Variants in SNX29 observed in about 807,000 individuals in gnomAD.
SNX29 encodes sorting nexin-29.
In SNX29, 78 loss-of-function variants were observed where a neutral mutation model predicts 102.1. The ratio of observed to expected loss-of-function variants is 0.76; its 90% CI spans 0.64 to 0.92. The LOEUF (loss-of-function observed/expected upper bound fraction) is 0.92, where lower values mean the gene tolerates loss of function less well. Ranked by LOEUF, SNX29 falls within the 40% of genes least tolerant of loss-of-function variation. SNX29 has a pLI of 0.00. For missense variants in SNX29, 1,280 were observed against 1,061.7 expected, an observed-to-expected ratio of 1.21 and a Z score of -2.86; for synonymous variants, 580 against 414.5, an observed-to-expected ratio of 1.40 and a Z score of -4.85.
At chr16:12,424,986 A>T (rs889516401) in intron 18 of SNX29, among the ~76,000 whole-genome samples, 1 of 152,278 alleles carries the variant, frequency 6.6e-6, no homozygotes, top group Non-Finnish European at 1.5e-5. Context: ...CACACAGTGG[A>T]ACCTTGGGCT....
In SNX29 at chr16:12,165,854, A is replaced by G. The variant is rs369814711; in HGVS notation, c.1596-33747A>G. On this transcript the variant is annotated intron_variant, in intron 13 of 20. Coordinates refer to ENST00000566228, the MANE Select transcript of SNX29 (RefSeq NM_032167.5). ...GTTGGGATTACTGGCGTGAGCCACC[A>G]CACCCGGCCAGACTTTGATTCCCTT... 6.2e-4 allele frequency among the ~76,000 whole-genome samples: 95 copies of G among 152,304 alleles called. 1 individual carries two copies. In the East Asian group the frequency reaches 0.015, roughly 24 times the overall value.
chr16:12,158,181 A>G (rs2055633460), intron 13 of SNX29, among the ~76,000 whole-genome samples: 1 of 151,364 alleles, frequency 6.6e-6, no homozygotes, highest in Non-Finnish European at 1.5e-5. Context: ...CAGGTAGAGC[A>G]CTTTTAATTT....
intron 20 of SNX29, among the ~76,000 whole-genome samples, chr16:12,537,009 G>T (rs1233067540): frequency 6.6e-6 from 1 of 152,132 alleles, no homozygotes; most frequent in Non-Finnish European, 1.5e-5. Context: ...AGTTGTTCAG[G>T]GCATGGGGGC....
chr16:12,227,082 C>T (rs918139279), intron 14 of SNX29, among the ~76,000 whole-genome samples: 10 of 152,254 alleles, frequency 6.6e-5, no homozygotes, highest in African/African-American at 2.4e-4. Context: ...GCTGGAGACT[C>T]CCTGTTGGGG....
chr16:12,092,924 G>A (rs554312414), intron 11 of SNX29, among the ~76,000 whole-genome samples: 1 of 152,316 alleles, frequency 6.6e-6, no homozygotes, highest in African/African-American at 2.4e-5. Flanking sequence ...CACTGGCTTG[G>A]ACATTTGGCC....
intron 19 of SNX29, among the ~76,000 whole-genome samples, chr16:12,522,970 C>G (rs2090156269): frequency 6.6e-6 from 1 of 152,138 alleles, no homozygotes; most frequent in African/African-American, 2.4e-5. Flanking sequence ...ACCACCGTGC[C>G]CGGCTACTTT....
rs369069423 is a variant in SNX29, at chr16:12,006,176, C to T, written c.122+3133C>T. Among the ~76,000 whole-genome samples, 16 of 150,756 alleles carry T rather than the reference C, an allele frequency of 1.1e-4. No homozygotes were observed. The East Asian group carries it at 1.4e-3, about 13-fold the overall frequency. ...CTATGATCGTGCCATTGCATTCTAG[C>T]TTGGGCAATAGACAGAGACCCTGTC... On this transcript the variant is annotated intron_variant, in intron 3 of 20. Transcript: ENST00000566228.
At chr16:12,169,551 G>C (rs944937302) in intron 13 of SNX29, among the ~76,000 whole-genome samples, 2 of 152,128 alleles carry the variant, frequency 1.3e-5, no homozygotes, top group African/African-American at 4.8e-5. Context: ...AACAGGAGGG[G>C]ATGGCAGACA....
chr16:12,337,130 A>T, intron 15 of SNX29, among the ~76,000 whole-genome samples: 1 of 152,150 alleles, frequency 6.6e-6, no homozygotes, highest in East Asian at 1.9e-4. Context: ...TGCATAAAGC[A>T]TGTCACCTTC....
At position 12,118,313 on chromosome 16, in the gene SNX29, C is replaced by CTTTTTTTTTTTTTTTTTTTT. The variant is rs869186902; in HGVS notation, c.1403-8316_1403-8297dup. Among the ~76,000 whole-genome samples, 5 of 86,114 alleles carry CTTTTTTTTTTTTTTTTTTTT rather than the reference C, an allele frequency of 5.8e-5. 2 individuals are homozygous for CTTTTTTTTTTTTTTTTTTTT. Among genetic ancestry groups the CTTTTTTTTTTTTTTTTTTTT allele is most frequent in the African/African-American group, 2.1e-4 (4 of 19,280 alleles). 56.5% of individuals were successfully genotyped at this position (86,114 alleles called of 152,430 possible). A position where few individuals can be genotyped will look rare whatever the true frequency, so the allele number is the denominator to read the frequency against. ...TGTAGATAGTAGATATACAGACCAC[C>CTTTTTTTTTTTTTTTTTTTT]TTTTTTTTTTTTTTTTTTTTTTTAT... is the stretch of plus-strand genomic sequence containing the variant. On this transcript the variant is annotated intron_variant, in intron 11 of 20. Transcript: ENST00000566228.
chr16:12,155,644 G>A (rs562930575), intron 13 of SNX29, among the ~76,000 whole-genome samples: 24 of 152,348 alleles, frequency 1.6e-4, no homozygotes, highest in Admixed American at 6.5e-4. Flanking sequence ...TGGAGTTGGA[G>A]ATGCGTTTGA....
chr16:12,472,259 G>C (rs2087382674), intron 18 of SNX29, among the ~76,000 whole-genome samples: 1 of 152,110 alleles, frequency 6.6e-6, no homozygotes, highest in South Asian at 2.1e-4. Flanking sequence ...GGTGGCTCAC[G>C]CCTGTAATCC....
chr16:11,981,374 G>T (rs2055409593), intron 1 of SNX29, among the ~76,000 whole-genome samples: 1 of 151,932 alleles, frequency 6.6e-6, no homozygotes, highest in Non-Finnish European at 1.5e-5. Context: ...AAAGTGCTGG[G>T]ATTACAAGCC....
At chr16:12,322,922 G>A (rs996620107) in intron 15 of SNX29, among the ~76,000 whole-genome samples, 1 of 144,600 alleles carries the variant, frequency 6.9e-6, no homozygotes, top group Non-Finnish European at 1.5e-5. Flanking sequence ...TGGAGTCACC[G>A]GGGACCACTG....
chr16:12,188,490 G>A lies in SNX29; in HGVS notation c.1596-11111G>A, dbSNP rs753510386. ...GTGAGGGACTGACAAGTATGATTCC[G>A]GCTGTTAAGTTTGGAACCCTGTGAT... On this transcript the variant is annotated intron_variant, in intron 13 of 20. Transcript: ENST00000566228. 3.1e-4 allele frequency among the ~76,000 whole-genome samples: 47 copies of A among 152,094 alleles called. 1 individual carries two copies. Among genetic ancestry groups the A allele is most frequent in the Admixed American group, 2.2e-3 (34 of 15,262 alleles).
intron 14 of SNX29, among the ~76,000 whole-genome samples, chr16:12,273,171 A>C (rs532234473): frequency 6.6e-6 from 1 of 151,910 alleles, no homozygotes; most frequent in African/African-American, 2.4e-5. Context: ...CTTGCACCCA[A>C]GGCAGTCTCT....
chr16:12,007,297 G>A (rs573029067), intron 3 of SNX29, among the ~76,000 whole-genome samples: 135 of 152,272 alleles, frequency 8.9e-4, no homozygotes, highest in African/African-American at 3.1e-3. Context: ...TTGAGGTCAG[G>A]AGTTCAAGAC....
rs183402329 is a variant in SNX29 at position 11,977,725 on chromosome 16, T to C, written c.7+912T>C. The C allele has an allele frequency of 7.8e-3, 1,189 of 152,496 alleles. 13 individuals carry two copies. The highest frequency in any genetic ancestry group is 0.012 in the Non-Finnish European group (818 of 68,126). The allele number at this position is 152,496 out of a possible 1,614,324, so 9.4% of individuals were successfully genotyped here. On this transcript the variant is annotated intron_variant, in intron 1 of 20. Coordinates refer to ENST00000566228, the MANE Select transcript of SNX29 (RefSeq NM_032167.5). ...CTCGTCCTCAATGTTTTCTGAAGTTTAGTCCCTTGACTCTACCCTCCTTTC... is the reference window on the plus strand; with the variant it reads ...CTCGTCCTCAATGTTTTCTGAAGTTCAGTCCCTTGACTCTACCCTCCTTTC...
intron 10 of SNX29, among the ~76,000 whole-genome samples, chr16:12,078,082 A>G (rs1001726288): frequency 1.3e-5 from 2 of 152,206 alleles, no homozygotes; most frequent in African/African-American, 4.8e-5. Context: ...TAACTCACAA[A>G]TTATCTCCAT....
Sources: allele counts gnomAD v4.1 joint callset (sites outside exome capture counted in the v4.1 genomes callset), GRCh38; gene constraint gnomAD v4.1.1; transcripts MANE v1.5; gene names NCBI Gene and HGNC (gene_info 2026-07-23, HGNC 2026-07-21).